TULP4: variants seen among roughly 807,000 people sequenced by gnomAD.
TULP4 encodes TUB like protein 4, also known as tubby-related protein 4.
TULP4 carries 16 observed loss-of-function variants against 129.0 expected under a neutral mutation model. The observed-to-expected ratio is 0.12, with a 90% CI of 0.08 to 0.19. The LOEUF (loss-of-function observed/expected upper bound fraction) is 0.19. TULP4 is among the 10% of genes least tolerant of loss of function. The pLI is 1.00. For synonymous variants in TULP4, 998 were observed against 854.0 expected (o/e 1.17, Z -2.94); for missense variants, 1,842 against 2,059.1 (o/e 0.89, Z 2.04).
chr6:158,251,809 T>C (rs999690659), intron 1 of TULP4, among the ~76,000 whole-genome samples: 26 of 152,230 alleles, frequency 1.7e-4, no homozygotes, highest in African/African-American at 5.3e-4. Context: ...CTTAGTCTTT[T>C]CTCAGGACCC....
chr6:158,392,339 T>G (rs1777602446), intron 1 of TULP4, among the ~76,000 whole-genome samples: 1 of 152,192 alleles, frequency 6.6e-6, no homozygotes, highest in Admixed American at 6.5e-5. Flanking sequence ...ACGTGGGAAT[T>G]CAAGATGAGA....
rs773323875 is a variant in TULP4 at position 158,314,170 on chromosome 6, C to T, written c.154C>T (p.Arg52Ter). Reference protein sequence around the residue: ...EEGWLATGNGRGVVGVTFTSS... With the variant: ...EEGWLATGNG ...AGGCTGGCTGGCCACGGGCAACGGGCGAGGAGTGGTTGGGGTGACTTTCAC... is the reference window on the plus strand; with the variant it reads ...AGGCTGGCTGGCCACGGGCAACGGGTGAGGAGTGGTTGGGGTGACTTTCAC... Residue 52 changes from arginine (R) to a stop codon, truncating the protein, a stop_gained, in exon 1 of 14, where the codon CGA becomes TGA. Transcript: ENST00000367097. LOFTEE classifies it high-confidence loss of function. 2 of 1,613,922 alleles carry T rather than the reference C, an allele frequency of 1.2e-6. No homozygotes were observed. Among genetic ancestry groups the T allele is most frequent in the Middle Eastern group, 1.6e-4 (1 of 6,084 alleles).
At chr6:158,333,276 G>A (rs1164251086) in intron 1 of TULP4, among the ~76,000 whole-genome samples, 1 of 152,188 alleles carries the variant, frequency 6.6e-6, no homozygotes, top group Admixed American at 6.5e-5. Context: ...AGTCATGAGG[G>A]TGGGGCCCTC....
chr6:158,444,029 C>A (rs992996016), intron 3 of TULP4, among the ~76,000 whole-genome samples: 1 of 151,682 alleles, frequency 6.6e-6, no homozygotes, highest in Non-Finnish European at 1.5e-5. Context: ...ACCATCCTGG[C>A]TAACACGGTG....
At chr6:158,452,573 G>A (rs752594224) in intron 5 of TULP4, among the ~76,000 whole-genome samples, 9 of 152,324 alleles carry the variant, frequency 5.9e-5, no homozygotes, top group Non-Finnish European at 8.8e-5. Context: ...TCTGGCTTAC[G>A]CATGTCTGCA....
At chr6:158,239,657 T>A (rs1777814343) in intron 1 of TULP4, among the ~76,000 whole-genome samples, 1 of 64,550 alleles carries the variant, frequency 1.5e-5, no homozygotes, top group African/African-American at 5.2e-5. Context: ...CCCACCTCCC[T>A]CCCGGACCGG....
upstream of TULP4, chr6:158,311,993 T>TTTA: frequency 2.5e-6 from 1 of 396,976 alleles, no homozygotes; most frequent in Non-Finnish European, 4.4e-6. Context: ...TCTTAAAACC[T>TTTA]TTATTTTCCA....
Position 158,240,777 on chromosome 6 carries a change from C to T in TULP4, n.68+8474C>T, listed in dbSNP as rs564505747. 6.5e-3 allele frequency among the ~76,000 whole-genome samples: 916 copies of T among 141,648 alleles called. 9 individuals are homozygous for T. The highest frequency in any genetic ancestry group is 0.011 in the Non-Finnish European group (676 of 63,758). 92.9% of individuals were successfully genotyped at this position (141,648 alleles called of 152,430 possible). ...CCCCCCACCTCCCTCCCGGTCGGCA[C>T]GGCTGGCCAGGCGGGGGGCTGAACC... On this transcript the variant is annotated intron_variant and non_coding_transcript_variant, in intron 1 of 1. Transcript: ENST00000620026.
At chr6:158,424,239 C>T (rs938469153) in intron 2 of TULP4, among the ~76,000 whole-genome samples, 8 of 152,056 alleles carry the variant, frequency 5.3e-5, no homozygotes, top group Non-Finnish European at 7.4e-5. Flanking sequence ...ATAATCTATG[C>T]ACATCATCTT....
chr6:158,436,832 T>C (rs1037317936), intron 3 of TULP4, among the ~76,000 whole-genome samples: 1 of 152,212 alleles, frequency 6.6e-6, no homozygotes, highest in African/African-American at 2.4e-5. Flanking sequence ...GTAGGTGGCA[T>C]TTTATTCTCT....
Position 158,370,457 on chromosome 6 carries a change from C to CAAAA in TULP4, c.253-42585_253-42582dup, listed in dbSNP as rs533005080. Among the ~76,000 whole-genome samples the CAAAA allele has an allele frequency of 5.5e-4, 16 of 28,898 alleles. 1 individual carries two copies. The highest frequency in any genetic ancestry group is 1.4e-3 in the African/African-American group (9 of 6,566). The allele number at this position is 28,898 out of a possible 152,430, so 19.0% of individuals were successfully genotyped here. A position where few individuals can be genotyped will look rare whatever the true frequency, so the allele number is the denominator to read the frequency against. On this transcript the variant is annotated intron_variant, in intron 1 of 13. Transcript: ENST00000367097. ...GGACAACAAGAACAAAACTCCATCT[C>CAAAA]AAAAAAAAAAAAAAAAAAAAAAAAA...
chr6:158,294,213 CATT>C (rs1265537151), intron 1 of TULP4, among the ~76,000 whole-genome samples: 1 of 151,758 alleles, frequency 6.6e-6, no homozygotes, highest in Non-Finnish European at 1.5e-5. Flanking sequence ...AAAATACAAA[CATT>C]AGCTGGGCGT....
At chr6:158,337,086 GTCTCTCTCTCTCTCTTTTTT>G (rs1780058038) in intron 1 of TULP4, among the ~76,000 whole-genome samples, 5 of 137,342 alleles carry the variant, frequency 3.6e-5, no homozygotes, top group African/African-American at 8.5e-5. Flanking sequence ...CTTTCTTTCT[GTCTCTCTCTCTCTCTTTTTT>G]TCTCTCTCTC....
intron 8 of TULP4, among the ~76,000 whole-genome samples, chr6:158,489,072 G>A (rs1195108185): frequency 5.3e-5 from 8 of 152,288 alleles, no homozygotes; most frequent in East Asian, 1.9e-4. Flanking sequence ...GGCCCCCGCC[G>A]CAAGACCTGT....
chr6:158,304,046 C>G (rs1779172434), intron 1 of TULP4, among the ~76,000 whole-genome samples: 1 of 152,094 alleles, frequency 6.6e-6, no homozygotes, highest in African/African-American at 2.4e-5. Flanking sequence ...AGTAGAATAT[C>G]TAATTGGGGA....
intron 9 of TULP4, among the ~76,000 whole-genome samples, chr6:158,490,602 CT>C (rs1780178111): frequency 6.6e-6 from 1 of 152,146 alleles, no homozygotes; most frequent in South Asian, 2.1e-4. Context: ...TGTACAAGGG[CT>C]ATCCCAGTGT....
intron 1 of TULP4, among the ~76,000 whole-genome samples, chr6:158,295,021 C>G (rs1038193265): frequency 7.2e-5 from 11 of 152,190 alleles, no homozygotes; most frequent in African/African-American, 2.4e-4. Flanking sequence ...TCCTCTCTTT[C>G]TTTTCCTCAA....
chr6:158,365,454 T>A (rs962811082), intron 1 of TULP4, among the ~76,000 whole-genome samples: 6 of 151,566 alleles, frequency 4.0e-5, no homozygotes, highest in African/African-American at 1.5e-4. Flanking sequence ...AGTTTTTTTT[T>A]TCTTTTTTTC....
intron 1 of TULP4, among the ~76,000 whole-genome samples, chr6:158,354,513 C>T (rs1218320106): frequency 6.6e-6 from 1 of 152,152 alleles, no homozygotes; most frequent in African/African-American, 2.4e-5. Context: ...GCATACTTAA[C>T]ACGGTATCAG....
Sources: gnomAD v4.1 joint callset for allele counts (sites outside exome capture counted in the v4.1 genomes callset) on GRCh38, gnomAD v4.1.1 for gene constraint, MANE v1.5 for transcripts, NCBI Gene and HGNC (gene_info 2026-07-23, HGNC 2026-07-21) for gene names.